LMO1: variants seen among roughly 807,000 people sequenced by gnomAD.
LMO1 encodes the protein rhombotin-1.
Under a neutral mutation model 18.0 loss-of-function variants are expected in LMO1, and 10 were observed. The ratio of observed to expected loss-of-function variants is 0.55; its 90% confidence interval spans 0.34 to 0.94. The LOEUF is 0.94. LMO1 is among the 40% of genes least tolerant of loss of function. LMO1 has a pLI of 0.02. For missense variants in LMO1, 183 were observed against 205.7 expected, an observed-to-expected ratio of 0.89 and a Z score of 0.68; for synonymous variants, 77 against 77.9, an observed-to-expected ratio of 0.99 and a Z score of 0.06.
At chr11:8,241,891 G>A (rs1371303259) in intron 1 of LMO1, among the ~76,000 whole-genome samples, 1 of 151,898 alleles carries the variant, frequency 6.6e-6, no homozygotes, top group Non-Finnish European at 1.5e-5. Flanking sequence ...GTCCACTATT[G>A]TGTTCCCAGT....
In LMO1 at chr11:8,226,936, G is replaced by A. The variant is rs368704905; in HGVS notation, c.365+39C>T. 33 of 1,588,480 alleles carry A rather than the reference G, an allele frequency of 2.1e-5. 1 individual carries two copies. Among genetic ancestry groups the A allele is most frequent in the South Asian group, 1.2e-4 (11 of 89,020 alleles). ...CCATCCCAGCAGGCCTCAGGCTGGC[G>A]TCTGGGGAGTGTGTTGGGTCGGCCA... On this transcript the variant is annotated intron_variant, in intron 3 of 3. Coordinates refer to ENST00000335790, the MANE Select transcript of LMO1 (RefSeq NM_002315.3).
chr11:8,253,957 C>A (rs537944379), intron 1 of LMO1, among the ~76,000 whole-genome samples: 8 of 152,098 alleles, frequency 5.3e-5, no homozygotes, highest in African/African-American at 1.9e-4. Context: ...AAGCAGAATG[C>A]GTCAGACTGT....
intron 1 of LMO1, among the ~76,000 whole-genome samples, chr11:8,255,269 G>A (rs964539312): frequency 5.9e-5 from 9 of 152,212 alleles, no homozygotes; most frequent in African/African-American, 1.7e-4. Flanking sequence ...CACTTTGGGA[G>A]GCTGAGGCAG....
upstream of LMO1, among the ~76,000 whole-genome samples, chr11:8,268,064 G>A (rs1847278727): frequency 6.6e-6 from 1 of 152,268 alleles, no homozygotes; most frequent in South Asian, 2.1e-4. Context: ...GGCTGGCAGT[G>A]GGCACTGCCG....
intron 1 of LMO1, among the ~76,000 whole-genome samples, chr11:8,246,802 G>A (rs1407493334): frequency 6.6e-6 from 1 of 152,030 alleles, no homozygotes; most frequent in Admixed American, 6.5e-5. Context: ...GCATAGCGGG[G>A]GAAATAACCT....
intron 2 of LMO1, among the ~76,000 whole-genome samples, chr11:8,229,603 G>A (rs1195928933): frequency 6.6e-6 from 1 of 152,182 alleles, no homozygotes; most frequent in Admixed American, 6.5e-5. Flanking sequence ...TGGCCCCAGG[G>A]AATAGGATCC....
At chr11:8,248,010 G>A (rs1005832139) in intron 1 of LMO1, among the ~76,000 whole-genome samples, 2 of 151,466 alleles carry the variant, frequency 1.3e-5, no homozygotes, top group African/African-American at 4.9e-5. Flanking sequence ...TGTGCAGGGG[G>A]CAGGGAGGAT....
At chr11:8,252,819 C>T (rs542306380) in intron 1 of LMO1, among the ~76,000 whole-genome samples, 3 of 152,340 alleles carry the variant, frequency 2.0e-5, no homozygotes, top group East Asian at 1.9e-4. Context: ...AGAGAAATCC[C>T]GGAGCAGAGA....
intron 2 of LMO1, among the ~76,000 whole-genome samples, chr11:8,228,405 A>G (rs998291299): frequency 1.3e-5 from 2 of 152,246 alleles, no homozygotes; most frequent in African/African-American, 4.8e-5. Context: ...GCGCCTGCAG[A>G]TGAGCTTGGC....
chr11:8,258,509 C>T (rs1847134987), intron 1 of LMO1, among the ~76,000 whole-genome samples: 1 of 152,234 alleles, frequency 6.6e-6, no homozygotes, highest in Non-Finnish European at 1.5e-5. Context: ...TTTCCTTTGC[C>T]CATGACCACA....
intron 1 of LMO1, among the ~76,000 whole-genome samples, chr11:8,249,537 G>A (rs1846952668): frequency 2.0e-5 from 3 of 152,176 alleles, no homozygotes; most frequent in African/African-American, 7.2e-5. Flanking sequence ...ACACTGATGC[G>A]TGATAGGATC....
At chr11:8,233,708 C>T (rs1334309598) in intron 1 of LMO1, among the ~76,000 whole-genome samples, 2 of 150,804 alleles carry the variant, frequency 1.3e-5, no homozygotes, top group African/African-American at 4.9e-5. Context: ...ACCTAGCCCC[C>T]CACCCAATCT....
intron 2 of LMO1, 110 bp downstream of exon 2, chr11:8,230,181 G>T: frequency 1.1e-6 from 1 of 920,282 alleles, no homozygotes; most frequent in Non-Finnish European, 1.7e-6. Flanking sequence ...AGAATGAGAG[G>T]ACACACAGGG....
In LMO1 at chr11:8,232,753, T is replaced by C. The variant is rs186456251; in HGVS notation, c.26-2249A>G. 1.4e-3 allele frequency among the ~76,000 whole-genome samples: 214 copies of C among 152,276 alleles called. 3 individuals are homozygous for C. The highest frequency in any genetic ancestry group is 4.9e-3 in the African/African-American group (203 of 41,560). ...GGGCTATTACCAGAACATGGGTGAA[T>C]GGCTGGAACCTCCGTACTCAGGGGA... is the stretch of plus-strand genomic sequence containing the variant. On this transcript the variant is annotated intron_variant, in intron 1 of 3. Coordinates refer to ENST00000335790, the MANE Select transcript of LMO1 (RefSeq NM_002315.3).
chr11:8,237,811 G>T (rs439667), intron 1 of LMO1, among the ~76,000 whole-genome samples: 208 of 152,266 alleles, frequency 1.4e-3, no homozygotes, highest in African/African-American at 4.4e-3. Flanking sequence ...GAGAAGAGGT[G>T]GGGTAGTGTA....
chr11:8,266,466 T>C (rs1420883536), upstream of LMO1, among the ~76,000 whole-genome samples: 2 of 151,306 alleles, frequency 1.3e-5, no homozygotes, highest in Non-Finnish European at 2.9e-5. Flanking sequence ...GGGGAGGTAG[T>C]TTTCCCCCAA....
At chr11:8,252,496 G>A (rs145046791) in intron 1 of LMO1, among the ~76,000 whole-genome samples, 101 of 152,344 alleles carry the variant, frequency 6.6e-4, no homozygotes, top group African/African-American at 2.3e-3. Flanking sequence ...CTTGAGTGTG[G>A]GCTGGACCTA....
intron 1 of LMO1, 145 bp downstream of exon 1, chr11:8,263,193 C>T: frequency 1.5e-6 from 1 of 686,916 alleles, no homozygotes; most frequent in Non-Finnish European, 2.1e-6. Flanking sequence ...CCCCCCGCCC[C>T]AGCCCCGGCC....
At chr11:8,240,760 T>A (rs995814361) in intron 1 of LMO1, among the ~76,000 whole-genome samples, 1 of 151,916 alleles carries the variant, frequency 6.6e-6, no homozygotes, top group Non-Finnish European at 1.5e-5. Flanking sequence ...CACTATCACA[T>A]TGGGTGTTGG....
Sources: allele counts gnomAD v4.1 joint callset (sites outside exome capture counted in the v4.1 genomes callset), GRCh38; gene constraint gnomAD v4.1.1; transcripts MANE v1.5; gene names NCBI Gene and HGNC (gene_info 2026-07-23, HGNC 2026-07-21).